KCNT1: variants seen among roughly 807,000 people sequenced by gnomAD.
KCNT1 encodes potassium sodium-activated channel subfamily T member 1, also known as potassium channel subfamily T member 1.
In KCNT1, 78 loss-of-function variants were observed where a neutral mutation model predicts 147.8. The observed-to-expected ratio is 0.53, with a 90% CI of 0.44 to 0.64. The LOEUF (loss-of-function observed/expected upper bound fraction) is 0.64. Among genes scored for constraint, KCNT1 ranks in the 30% least tolerant of loss-of-function variants. The pLI is 0.00. For synonymous variants in KCNT1, 867 were observed against 748.8 expected (o/e 1.16, Z -2.58); for missense variants, 1,419 against 1,750.3 (o/e 0.81, Z 3.38).
intron 2 of KCNT1, among the ~76,000 whole-genome samples, chr9:135,733,209 CTT>C (rs1830182718): frequency 2.2e-5 from 3 of 133,670 alleles, no homozygotes; most frequent in South Asian, 2.6e-4. Flanking sequence ...CCACACCTGC[CTT>C]CACACCTGCC....
At chr9:135,731,991 T>TATATATATATAGAGAG (rs1276318460) in intron 2 of KCNT1, among the ~76,000 whole-genome samples, 7 of 21,706 alleles carry the variant, frequency 3.2e-4, no homozygotes, top group Non-Finnish European at 4.2e-4. Context: ...TATATATATA[T>TATATATATATAGAGAG]AGAGAGAGAG....
intron 2 of KCNT1, among the ~76,000 whole-genome samples, chr9:135,734,499 C>A (rs992181341): frequency 1.3e-5 from 2 of 152,208 alleles, no homozygotes; most frequent in Admixed American, 6.5e-5. Context: ...CAGCAAGTTG[C>A]GAAGATCCTC....
chr9:135,769,742 C>T (rs554036769), intron 15 of KCNT1, among the ~76,000 whole-genome samples: 56 of 152,220 alleles, frequency 3.7e-4, no homozygotes, highest in Non-Finnish European at 7.1e-4. Flanking sequence ...AGCACAGGAG[C>T]GATGGAAGGT....
chr9:135,746,438 G>A (rs756774419), intron 2 of KCNT1, among the ~76,000 whole-genome samples: 3 of 152,236 alleles, frequency 2.0e-5, no homozygotes, highest in East Asian at 1.9e-4. Context: ...CTGGGGGCGC[G>A]ACTAGTCCCA....
intron 2 of KCNT1, among the ~76,000 whole-genome samples, chr9:135,743,372 G>A (rs1003555491): frequency 9.2e-5 from 14 of 152,192 alleles, no homozygotes; most frequent in African/African-American, 3.4e-4. Context: ...CCTTCAGCGC[G>A]GTCTCCAGGA....
At chr9:135,770,738 C>T (rs2131509675) in intron 17 of KCNT1, 119 bp from the exon 18 acceptor site, 2 of 1,035,974 alleles carry the variant, frequency 1.9e-6, no homozygotes, top group Non-Finnish European at 2.8e-6. Context: ...CCCAAATGGC[C>T]CCCAGGAGGA....
chr9:135,705,369 G>C (rs1835210149), intron 1 of KCNT1, among the ~76,000 whole-genome samples: 1 of 152,234 alleles, frequency 6.6e-6, no homozygotes, highest in Non-Finnish European at 1.5e-5. Flanking sequence ...AGCCCTGCAT[G>C]GGTGAGGGAT....
At chr9:135,724,373 C>T (rs1231252216) in intron 2 of KCNT1, among the ~76,000 whole-genome samples, 1 of 152,276 alleles carries the variant, frequency 6.6e-6, no homozygotes, top group African/African-American at 2.4e-5. Context: ...AGAGTGAAGG[C>T]AGTGCCCAGG....
At chr9:135,738,716 C>T (rs1227889087) in intron 2 of KCNT1, among the ~76,000 whole-genome samples, 2 of 152,104 alleles carry the variant, frequency 1.3e-5, no homozygotes, top group Non-Finnish European at 2.9e-5. Flanking sequence ...GTGCCCCTGC[C>T]CAGAGCTCCC....
chr9:135,750,383 C>T (rs942748575), intron 3 of KCNT1, among the ~76,000 whole-genome samples: 3 of 152,074 alleles, frequency 2.0e-5, no homozygotes, highest in African/African-American at 7.2e-5. Flanking sequence ...CTCTTAGCTT[C>T]ACACTGTCTG....
chr9:135,716,109 C>T (rs538385728), intron 2 of KCNT1, among the ~76,000 whole-genome samples: 20 of 152,316 alleles, frequency 1.3e-4, no homozygotes, highest in Non-Finnish European at 2.1e-4. Flanking sequence ...CACAAAGCTT[C>T]CCTAGGCCGA....
intron 2 of KCNT1, among the ~76,000 whole-genome samples, chr9:135,745,399 G>A (rs1471443813): frequency 2.6e-5 from 4 of 152,152 alleles, no homozygotes; most frequent in African/African-American, 7.2e-5. Flanking sequence ...GACAGGAAGC[G>A]GAGAGTGTGG....
intron 2 of KCNT1, among the ~76,000 whole-genome samples, chr9:135,740,548 T>G (rs931008054): frequency 3.3e-5 from 5 of 152,196 alleles, no homozygotes; most frequent in African/African-American, 1.2e-4. Context: ...TCACCTGGGC[T>G]CCTTCCCGAC....
At chr9:135,772,069 C>T (rs1004337962) in intron 18 of KCNT1, among the ~76,000 whole-genome samples, 3 of 152,212 alleles carry the variant, frequency 2.0e-5, no homozygotes, top group Non-Finnish European at 2.9e-5. Context: ...GGTTCCCGGC[C>T]GCCGTCTACG....
chr9:135,772,876 CCCTGCGA>C lies in KCNT1; in HGVS notation c.2176_2182del (p.Asp726Ter). The C allele has an allele frequency of 6.4e-7, 1 of 1,558,502 alleles. No individual in the cohort carries two copies. Among genetic ancestry groups the C allele is most frequent in the Non-Finnish European group, 8.7e-7 (1 of 1,152,310 alleles). On this transcript the variant is annotated frameshift_variant, in exon 19 of 31. Coordinates refer to ENST00000371757, the MANE Select transcript of KCNT1 (RefSeq NM_020822.3). LOFTEE classifies it high-confidence loss of function. The stretch of plus-strand genomic sequence containing the variant: ...ACTGGCCGACAGCTCAGCCCTGCTG[CCCTGCGA>C]CCTGCTGAGCGACCAGTCGGAGGAT...
In KCNT1 at chr9:135,755,184, C is replaced by T. The variant is rs1202966020; in HGVS notation, c.540+15C>T. 6.2e-7 allele frequency: 1 copy of T among 1,604,720 alleles called. No homozygotes were observed. The highest frequency in any genetic ancestry group is 2.2e-5 in the East Asian group (1 of 44,636). ...GGGCGATCCAGGTGAGTGCCCTACC[C>T]TGCCCCCCTCCCGACTGCAGTGGTG... On this transcript the variant is annotated intron_variant, in intron 6 of 30. Coordinates refer to ENST00000371757, the MANE Select transcript of KCNT1 (RefSeq NM_020822.3).
intron 3 of KCNT1, 36 bp downstream of exon 3, chr9:135,750,213 G>A (rs1207160503): frequency 6.4e-7 from 1 of 1,574,512 alleles, no homozygotes; most frequent in South Asian, 1.1e-5. Context: ...TCCCAGGCAG[G>A]GAGGTGTTGA....
chr9:135,767,924 G>A (rs1183141830), intron 13 of KCNT1, among the ~76,000 whole-genome samples: 1 of 151,880 alleles, frequency 6.6e-6, no homozygotes. Flanking sequence ...GTCAGCTGGT[G>A]TCTCCAGGAC....
At chr9:135,774,805 G>T (rs923874173) in intron 19 of KCNT1, among the ~76,000 whole-genome samples, 13 of 152,252 alleles carry the variant, frequency 8.5e-5, no homozygotes, top group Non-Finnish European at 1.2e-4. Flanking sequence ...CTGACCATGG[G>T]GGGGTCCTGG....
Sources: gnomAD v4.1 joint callset for allele counts (sites outside exome capture counted in the v4.1 genomes callset) on GRCh38, gnomAD v4.1.1 for gene constraint, MANE v1.5 for transcripts, NCBI Gene and HGNC (gene_info 2026-07-23, HGNC 2026-07-21) for gene names.